The following KLF12 variants were observed in gnomAD, a reference collection of about 807,000 sequenced individuals.
KLF12 encodes the protein KLF transcription factor 12, also known as Krueppel-like factor 12.
Under a neutral mutation model 37.8 loss-of-function variants are expected in KLF12, and 9 were observed. That is an observed-to-expected ratio of 0.24 (90% CI 0.14 to 0.42). The LOEUF (loss-of-function observed/expected upper bound fraction) is 0.42. Ranked by LOEUF, KLF12 falls within the 10% of genes least tolerant of loss-of-function variation. The pLI, the probability that KLF12 is intolerant of heterozygous loss-of-function variation, is 1.00. For missense variants in KLF12, 411 were observed against 516.0 expected, an observed-to-expected ratio of 0.80 and a Z score of 1.97; for synonymous variants, 208 against 202.1, an observed-to-expected ratio of 1.03 and a Z score of -0.25.
chr13:74,294,065 T>C, the KLF12 span, among the ~76,000 whole-genome samples: 1 of 152,218 alleles, frequency 6.6e-6, no homozygotes, highest in Non-Finnish European at 1.5e-5. Context: ...ATTAAAATAA[T>C]ACATATTTTT....
intron 7 of KLF12, among the ~76,000 whole-genome samples, chr13:73,711,254 C>T (rs1253720714): frequency 6.6e-6 from 1 of 152,180 alleles, no homozygotes. Flanking sequence ...AGCAAGGTAT[C>T]CAGAAGATCT....
At chr13:73,936,652 A>G (rs1889944225) in intron 3 of KLF12, among the ~76,000 whole-genome samples, 7 of 152,078 alleles carry the variant, frequency 4.6e-5, no homozygotes, top group Admixed American at 3.3e-4. Context: ...GCTCAGTGAG[A>G]CGGCGAGGCC....
At chr13:74,181,657 C>A in the KLF12 span, among the ~76,000 whole-genome samples, 1 of 150,234 alleles carries the variant, frequency 6.7e-6, no homozygotes, top group East Asian at 2.0e-4. Context: ...CAAGATCGCA[C>A]CACTGCACTC....
chr13:73,906,566 T>G (rs1282456378), intron 3 of KLF12, among the ~76,000 whole-genome samples: 1 of 152,240 alleles, frequency 6.6e-6, no homozygotes, highest in African/African-American at 2.4e-5. Flanking sequence ...TGCTCACTTT[T>G]GTGGTTCATC....
At chr13:74,172,169 A>ACACACACACACACT in the KLF12 span, among the ~76,000 whole-genome samples, 4 of 151,946 alleles carry the variant, frequency 2.6e-5, no homozygotes, top group Non-Finnish European at 5.9e-5. Flanking sequence ...ACACACACAC[A>ACACACACACACACT]CACTCTACTG....
Position 74,088,517 on chromosome 13 carries a change from C to T in KLF12, c.-32+45222G>A, listed in dbSNP as rs138003927. Among the ~76,000 whole-genome samples the T allele has an allele frequency of 2.9e-3, 444 of 152,192 alleles. 3 individuals carry two copies. The highest frequency in any genetic ancestry group is 0.01 in the African/African-American group (419 of 41,510). Reference sequence around the variant, plus strand: ...TGCTGGGATTGCAGGCATAAGCCACCGTGCCGAGCCCTAGATCTTTCAACT... The same window carrying T: ...TGCTGGGATTGCAGGCATAAGCCACTGTGCCGAGCCCTAGATCTTTCAACT... On this transcript the variant is annotated intron_variant, in intron 1 of 7. Transcript: ENST00000377669.
chr13:73,993,677 T>G lies in KLF12; in HGVS notation c.33+1313A>C, dbSNP rs1017121045. 4.1e-4 allele frequency among the ~76,000 whole-genome samples: 62 copies of G among 152,330 alleles called. 1 individual carries two copies. Among genetic ancestry groups the G allele is most frequent in the African/African-American group, 1.3e-3 (54 of 41,574 alleles). The stretch of plus-strand genomic sequence containing the variant: ...TCTAGTCTTAAGGAATACATAAAAT[T>G]TTTAACTTTACTGTATAAATGGAAT... On this transcript the variant is annotated intron_variant, in intron 2 of 7. Transcript: ENST00000377669.
rs1397779744 is a variant in KLF12, at chr13:73,686,356, G to A, written c.*9134C>T. ...GAGGGTCTCCCTTTACATTATCATA[G>A]GGCAAAAAAATCACCATTTTACAGT... On this transcript the variant is annotated 3_prime_UTR_variant, in exon 8 of 8. Transcript: ENST00000377669. 1 of 152,308 alleles carries A rather than the reference G, an allele frequency of 6.6e-6. No individual in the cohort carries two copies. Among genetic ancestry groups the A allele is most frequent in the Non-Finnish European group, 1.5e-5 (1 of 67,978 alleles). 9.4% of individuals were successfully genotyped at this position (152,308 alleles called of 1,614,324 possible).
At chr13:73,765,084 A>G in intron 5 of KLF12, 84 bp from the exon 6 acceptor site, 5 of 800,524 alleles carry the variant, frequency 6.2e-6, no homozygotes, top group Middle Eastern at 2.4e-4. Context: ...TTTATAAATA[A>G]TTTCTTTTAG....
chr13:74,258,466 T>C, the KLF12 span: 1 of 152,162 alleles, frequency 6.6e-6, no homozygotes, highest in African/African-American at 2.4e-5. Context: ...TCATTCACTG[T>C]GATGTGGTAA....
At chr13:74,262,633 GA>G in the KLF12 span, among the ~76,000 whole-genome samples, 1 of 151,960 alleles carries the variant, frequency 6.6e-6, no homozygotes, top group Non-Finnish European at 1.5e-5. Flanking sequence ...GTAAGGACAA[GA>G]AAAAAAGACT....
intron 2 of KLF12, among the ~76,000 whole-genome samples, chr13:73,979,311 T>C (rs1313090277): frequency 6.6e-6 from 1 of 151,056 alleles, no homozygotes; most frequent in Non-Finnish European, 1.5e-5. Flanking sequence ...CTGCTCAACT[T>C]TGCTATGAAC....
At chr13:74,173,379 T>G in the KLF12 span, among the ~76,000 whole-genome samples, 1 of 152,220 alleles carries the variant, frequency 6.6e-6, no homozygotes, top group African/African-American at 2.4e-5. Flanking sequence ...GGCATGCAGC[T>G]GGGCCACCTT....
upstream of KLF12, among the ~76,000 whole-genome samples, chr13:74,135,594 C>T (rs944214235): frequency 1.3e-5 from 2 of 151,102 alleles, no homozygotes; most frequent in Non-Finnish European, 3.0e-5. Flanking sequence ...CGGAAGCGGC[C>T]GGGCGGGCGG....
At chr13:74,090,557 T>G (rs530250970) in intron 1 of KLF12, among the ~76,000 whole-genome samples, 2 of 152,136 alleles carry the variant, frequency 1.3e-5, no homozygotes, top group Non-Finnish European at 2.9e-5. Context: ...AAATGTATAC[T>G]GGTGGGTCGC....
chr13:73,686,241 G>A lies in KLF12; in HGVS notation c.*9249C>T, dbSNP rs2137496722. Reference sequence around the variant, plus strand: ...GAAAAGCAATGCACCAACAGAATATGTCTGAGACACCATTAAAAACAATAA... The same window carrying A: ...GAAAAGCAATGCACCAACAGAATATATCTGAGACACCATTAAAAACAATAA... On this transcript the variant is annotated 3_prime_UTR_variant, in exon 8 of 8. Transcript: ENST00000377669. 1 of 152,692 alleles carries A rather than the reference G, an allele frequency of 6.5e-6. No homozygotes were observed. The highest frequency in any genetic ancestry group is 1.9e-4 in the East Asian group (1 of 5,180). The allele number at this position is 152,692 out of a possible 1,614,324, so 9.5% of individuals were successfully genotyped here.
intron 4 of KLF12, among the ~76,000 whole-genome samples, chr13:73,826,763 T>TACACACACACAC (rs59262711): frequency 9.6e-4 from 144 of 149,470 alleles, no homozygotes; most frequent in African/African-American, 3.0e-3. Flanking sequence ...ATATCATATC[T>TACACACACACAC]ACACACACAC....
rs570852901 is a variant in KLF12, at chr13:73,850,447, T to C, written c.124-4074A>G. Among the ~76,000 whole-genome samples, 57 of 152,332 alleles carry C rather than the reference T, an allele frequency of 3.7e-4. 1 individual carries two copies. The highest frequency in any genetic ancestry group is 3.4e-3 in the Middle Eastern group (1 of 294). On this transcript the variant is annotated intron_variant, in intron 3 of 7. Coordinates refer to ENST00000377669, the MANE Select transcript of KLF12 (RefSeq NM_007249.5). Reference sequence around the variant, plus strand: ...GTACTAGATGTGTTTCCTACAGTTATCTATTGCTATCAACTGAATTTTATT... The same window carrying C: ...GTACTAGATGTGTTTCCTACAGTTACCTATTGCTATCAACTGAATTTTATT...
chr13:74,012,675 T>C (rs1296963582), intron 1 of KLF12, among the ~76,000 whole-genome samples: 1 of 152,224 alleles, frequency 6.6e-6, no homozygotes, highest in Non-Finnish European at 1.5e-5. Context: ...TGTTTTTCCT[T>C]AAGCATTCTT....
Sources: allele counts gnomAD v4.1 joint callset (sites outside exome capture counted in the v4.1 genomes callset), GRCh38; gene constraint gnomAD v4.1.1; transcripts MANE v1.5; gene names NCBI Gene and HGNC (gene_info 2026-07-23, HGNC 2026-07-21).